The following TSNARE1 variants were observed in gnomAD, a reference collection of about 807,000 sequenced individuals.
The protein encoded by TSNARE1 is t-SNARE domain containing 1, also known as t-SNARE domain-containing protein 1.
TSNARE1 carries 49 observed loss-of-function variants against 62.0 expected under a neutral mutation model. That is an observed-to-expected ratio of 0.79 (90% CI 0.63 to 1.00). The LOEUF (loss-of-function observed/expected upper bound fraction) is 1.00. Ranked by LOEUF, TSNARE1 falls within the 50% of genes least tolerant of loss-of-function variation. TSNARE1 has a pLI of 0.00. For missense variants in TSNARE1, 755 were observed against 700.1 expected (o/e 1.08, Z -0.88); for synonymous variants, 328 against 294.4 (o/e 1.11, Z -1.17).
At chr8:142,278,063 C>G in intron 11 of TSNARE1, 1 of 985,432 alleles carries the variant, frequency 1.0e-6, no homozygotes, top group Non-Finnish European at 1.2e-6. Flanking sequence ...CCTGCACAGG[C>G]CTGAGAGGAC....
At chr8:142,390,262 T>TCCGTAACAGACGCTGTACACTGCG (rs1564013401) in intron 1 of TSNARE1, among the ~76,000 whole-genome samples, 110 of 139,488 alleles carry the variant, frequency 7.9e-4, no homozygotes, top group East Asian at 2.5e-3. Flanking sequence ...TGTACACTGC[T>TCCGTAACAGACGCTGTACACTGCG]GGGGACTCCG....
intron 13 of TSNARE1, among the ~76,000 whole-genome samples, chr8:142,223,313 C>CTTACTCAT (rs1816577993): frequency 1.6e-5 from 1 of 62,800 alleles, no homozygotes; most frequent in Non-Finnish European, 3.7e-5. Context: ...CACTCATTCA[C>CTTACTCAT]TCACTCATTC....
At chr8:142,212,854 C>T (rs937893693) in intron 13 of TSNARE1, among the ~76,000 whole-genome samples, 2 of 132,326 alleles carry the variant, frequency 1.5e-5, no homozygotes, top group Non-Finnish European at 3.2e-5. Context: ...TCTCTTCCCT[C>T]CCTCCCCGCC....
At chr8:142,348,410 A>AT (rs1338143827) in intron 2 of TSNARE1, among the ~76,000 whole-genome samples, 1 of 152,168 alleles carries the variant, frequency 6.6e-6, no homozygotes, top group Non-Finnish European at 1.5e-5. Context: ...CCGTGTGTCT[A>AT]TCTCCTAAGA....
At chr8:142,282,327 C>T (rs1178472036) in intron 11 of TSNARE1, among the ~76,000 whole-genome samples, 1 of 152,366 alleles carries the variant, frequency 6.6e-6, no homozygotes, top group African/African-American at 2.4e-5. Context: ...AATCTCTGGG[C>T]AGAGGCCCAG....
chr8:142,335,037 T>G (rs1240364121), intron 4 of TSNARE1, among the ~76,000 whole-genome samples: 1 of 152,236 alleles, frequency 6.6e-6, no homozygotes, highest in Non-Finnish European at 1.5e-5. Context: ...TTCATTTATT[T>G]AAAACACTAT....
chr8:142,348,046 T>C (rs1563963700), intron 2 of TSNARE1, among the ~76,000 whole-genome samples: 1 of 152,210 alleles, frequency 6.6e-6, no homozygotes, highest in African/African-American at 2.4e-5. Flanking sequence ...GCCTGGGACA[T>C]TTGCTGTTTG....
At chr8:142,285,283 G>A (rs972778093) in intron 10 of TSNARE1, among the ~76,000 whole-genome samples, 1 of 150,754 alleles carries the variant, frequency 6.6e-6, no homozygotes, top group Non-Finnish European at 1.5e-5. Context: ...TGGGTAGGTG[G>A]ATGGATGGAT....
intron 1 of TSNARE1, among the ~76,000 whole-genome samples, chr8:142,362,114 G>A (rs978664379): frequency 6.6e-6 from 1 of 152,216 alleles, no homozygotes; most frequent in South Asian, 2.1e-4. Flanking sequence ...TGCCGGGTGC[G>A]CAGCTTTCAC....
At chr8:142,242,353 G>T (rs1014230142) in intron 12 of TSNARE1, among the ~76,000 whole-genome samples, 3 of 152,180 alleles carry the variant, frequency 2.0e-5, no homozygotes, top group South Asian at 4.1e-4. Flanking sequence ...CACTGGTCTT[G>T]GTAAAGATTT....
In TSNARE1 at chr8:142,345,861, G is replaced by C; in HGVS notation, c.120C>G (p.Ile40Met). 2 of 1,613,924 alleles carry C rather than the reference G, an allele frequency of 1.2e-6. No homozygotes were observed. The highest frequency in any genetic ancestry group is 8.5e-7 in the Non-Finnish European group (1 of 1,179,914). Reference sequence around the variant, plus strand: ...CTGGCGACGGGCAGGGGAAATGGCGGATTCCATACTCGGTCCAACATCTAG... The same window carrying C: ...CTGGCGACGGGCAGGGGAAATGGCGCATTCCATACTCGGTCCAACATCTAG... ...ECARCWTEYG[I>M]RHFPCPSPES... Residue 40 changes from isoleucine (I) to methionine (M), a missense_variant, in exon 3 of 14, where the codon ATC (isoleucine) becomes ATG (methionine). By Grantham distance (10) the Ile-to-Met change is conservative. Coordinates refer to ENST00000524325, the MANE Select transcript of TSNARE1 (RefSeq NM_145003.5).
chr8:142,292,951 C>T (rs913487364), intron 10 of TSNARE1, among the ~76,000 whole-genome samples: 1 of 152,152 alleles, frequency 6.6e-6, no homozygotes, highest in Non-Finnish European at 1.5e-5. Flanking sequence ...GCTCCACCTC[C>T]CCCACACTCA....
intron 10 of TSNARE1, among the ~76,000 whole-genome samples, chr8:142,289,482 A>G (rs926760254): frequency 6.6e-6 from 1 of 151,894 alleles, no homozygotes; most frequent in East Asian, 1.9e-4. Context: ...TCACGGAACC[A>G]ACTGAGAGGG....
At chr8:142,249,200 G>A (rs1818032493) in intron 12 of TSNARE1, among the ~76,000 whole-genome samples, 1 of 152,256 alleles carries the variant, frequency 6.6e-6, no homozygotes, top group South Asian at 2.1e-4. Flanking sequence ...AAGACCAGAA[G>A]CCTAGATATG....
chr8:142,392,747 G>C (rs28393553), intron 1 of TSNARE1, among the ~76,000 whole-genome samples: 30,632 of 151,832 alleles, frequency 0.2, 3,212 homozygotes, highest in East Asian at 0.28. Flanking sequence ...TTGAGACCAC[G>C]CGGGCCAACA....
chr8:142,300,741 T>C, intron 9 of TSNARE1, 97 bp from the exon 10 acceptor site: 1 of 1,235,194 alleles, frequency 8.1e-7, no homozygotes, highest in South Asian at 1.5e-5. Context: ...TTCCCTTCAC[T>C]ATCCCCATCT....
chr8:142,219,571 T>TTAGG (rs1816105638), intron 13 of TSNARE1, among the ~76,000 whole-genome samples: 1 of 152,000 alleles, frequency 6.6e-6, no homozygotes, highest in African/African-American at 2.4e-5. Flanking sequence ...AGGGATGAGG[T>TTAGG]CTCCTGACCG....
At chr8:142,215,184 G>A (rs921076228) in intron 13 of TSNARE1, among the ~76,000 whole-genome samples, 27 of 152,206 alleles carry the variant, frequency 1.8e-4, no homozygotes, top group Admixed American at 1.2e-3. Context: ...TGATGTGCAC[G>A]GCTGTTTCCA....
intron 12 of TSNARE1, among the ~76,000 whole-genome samples, chr8:142,240,100 A>G (rs1196535745): frequency 1.3e-5 from 2 of 152,232 alleles, no homozygotes; most frequent in African/African-American, 2.4e-5. Flanking sequence ...GCTATTTACA[A>G]GAGGCATATC....
Sources: gnomAD v4.1 joint callset for allele counts (sites outside exome capture counted in the v4.1 genomes callset) on GRCh38, gnomAD v4.1.1 for gene constraint, MANE v1.5 for transcripts, NCBI Gene and HGNC (gene_info 2026-07-23, HGNC 2026-07-21) for gene names.